HMCN1: variants seen among roughly 807,000 people sequenced by gnomAD.
HMCN1 encodes hemicentin-1.
HMCN1 carries 321 observed loss-of-function variants against 625.9 expected under a neutral mutation model. The ratio of observed to expected loss-of-function variants is 0.51; its 90% CI spans 0.47 to 0.56. HMCN1 has a LOEUF of 0.56. HMCN1 is among the 20% of genes least tolerant of loss of function. The pLI is 0.00. For missense variants in HMCN1, 6,588 were observed against 6,887.3 expected (o/e 0.96, Z 1.54); for synonymous variants, 2,425 against 2,417.6 (o/e 1.00, Z -0.09).
Position 186,136,889 on chromosome 1 carries a change from C to T in HMCN1, c.13534C>T (p.Arg4512Ter), listed in dbSNP as rs766364489. 9.9e-6 allele frequency: 16 copies of T among 1,613,806 alleles called. No individual in the cohort carries two copies. In the Admixed American group the frequency reaches 1.2e-4, roughly 12 times the overall value. The change falls in exon 87 of 107, where the codon CGA becomes TGA. Residue 4512 changes from arginine (R) to a stop codon, truncating the protein, a stop_gained. Transcript: ENST00000271588. LOFTEE classifies it high-confidence loss of function. ...EDTSEFECVA[R>*]NLMGSVLVRV... Reference sequence around the variant, plus strand: ...TACCTCTGAATTTGAATGTGTTGCTCGAAACTTAATGGGTTCTGTCCTTGT... The same window carrying T: ...TACCTCTGAATTTGAATGTGTTGCTTGAAACTTAATGGGTTCTGTCCTTGT...
intron 1 of HMCN1, among the ~76,000 whole-genome samples, chr1:185,747,615 C>T (rs1452930986): frequency 1.3e-5 from 2 of 152,096 alleles, no homozygotes; most frequent in African/African-American, 2.4e-5. Flanking sequence ...CCACCGCACC[C>T]GGCCCTGTTA....
intron 1 of HMCN1, among the ~76,000 whole-genome samples, chr1:185,770,401 A>G (rs1656160317): frequency 6.6e-6 from 1 of 152,244 alleles, no homozygotes; most frequent in African/African-American, 2.4e-5. Flanking sequence ...AGTGTGCTGT[A>G]TAAATGTTTT....
Position 186,103,674 on chromosome 1 carries a change from T to C in HMCN1, c.10770+6T>C. On this transcript the variant is annotated splice_donor_region_variant and intron_variant, in intron 69 of 106. Transcript: ENST00000271588. ...TTCGAATTTCTACTGCTCAGGTAAGTGTCAAAGTTCATAGAATTATTTTAG... is the reference window on the plus strand; with the variant it reads ...TTCGAATTTCTACTGCTCAGGTAAGCGTCAAAGTTCATAGAATTATTTTAG... 1.9e-6 allele frequency: 3 copies of C among 1,612,058 alleles called. No homozygotes were observed. The highest frequency in any genetic ancestry group is 2.5e-6 in the Non-Finnish European group (3 of 1,178,626).
intron 11 of HMCN1, among the ~76,000 whole-genome samples, chr1:185,949,920 T>C (rs867422610): frequency 0.012 from 1,851 of 151,724 alleles, 17 homozygotes; most frequent in Middle Eastern, 0.041. Context: ...AGTTATTTCC[T>C]TGAGGATAGA....
intron 36 of HMCN1, among the ~76,000 whole-genome samples, chr1:186,027,383 T>C (rs146044867): frequency 2.0e-5 from 3 of 152,314 alleles, no homozygotes; most frequent in African/African-American, 7.2e-5. Context: ...AAATGATTAT[T>C]TGGAGTCTAA....
chr1:185,993,343 G>T (rs756369887), intron 23 of HMCN1, 34 bp downstream of exon 23: 2 of 1,610,274 alleles, frequency 1.2e-6, no homozygotes, highest in South Asian at 2.2e-5. Flanking sequence ...TGACAACCCT[G>T]TGGACTGGCC....
chr1:185,813,028 G>T (rs964501839), intron 1 of HMCN1, among the ~76,000 whole-genome samples: 1 of 152,096 alleles, frequency 6.6e-6, no homozygotes, highest in Non-Finnish European at 1.5e-5. Context: ...TGAAGTGATA[G>T]TGACTACCTA....
intron 97 of HMCN1, among the ~76,000 whole-genome samples, chr1:186,154,404 C>T (rs982465766): frequency 3.9e-5 from 6 of 152,060 alleles, no homozygotes; most frequent in Non-Finnish European, 7.4e-5. Context: ...TGCCTGTAGT[C>T]CCAGCTACTG....
intron 1 of HMCN1, among the ~76,000 whole-genome samples, chr1:185,825,765 T>C (rs1660476569): frequency 6.6e-6 from 1 of 152,214 alleles, no homozygotes; most frequent in Non-Finnish European, 1.5e-5. Flanking sequence ...ATTGATTGTG[T>C]TATGTTGGGC....
At chr1:185,940,830 C>T (rs549222748) in intron 11 of HMCN1, among the ~76,000 whole-genome samples, 1 of 152,222 alleles carries the variant, frequency 6.6e-6, no homozygotes, top group African/African-American at 2.4e-5. Flanking sequence ...ATGGCACGAT[C>T]TTGGCTCACC....
At position 186,130,579 on chromosome 1, in the gene HMCN1, G is replaced by C; in HGVS notation, c.13112G>C (p.Cys4371Ser). The C allele has an allele frequency of 6.2e-7, 1 of 1,613,580 alleles. No homozygotes were observed. Among genetic ancestry groups the C allele is most frequent in the Non-Finnish European group, 8.5e-7 (1 of 1,179,626 alleles). Residue 4371 changes from cysteine to serine, a missense_variant, in exon 85 of 107, where the codon TGT (cysteine) becomes TCT (serine). By Grantham distance (112) the Cys-to-Ser change is moderately radical. Coordinates refer to ENST00000271588, the MANE Select transcript of HMCN1 (RefSeq NM_031935.3). ...CTTGGTGGGAATGCAATCCTGAATT[G>C]TGAGGTGAAAGGAGACCCCACCCCA... is the stretch of plus-strand genomic sequence containing the variant. ...EPLGGNAILN[C>S]EVKGDPTPTI... is the part of the protein sequence containing the mutation.
At chr1:186,016,316 A>C in intron 32 of HMCN1, 77 bp downstream of exon 32, 13 of 1,365,674 alleles carry the variant, frequency 9.5e-6, no homozygotes, top group East Asian at 2.3e-5. Context: ...TTTTTTGTTC[A>C]TGCAATAATA....
intron 17 of HMCN1, 47 bp downstream of exon 17, chr1:185,981,120 G>T: frequency 8.8e-7 from 1 of 1,132,182 alleles, no homozygotes; most frequent in Non-Finnish European, 1.4e-6. Flanking sequence ...AAAGTCATCA[G>T]ACTTCTTTTA....
intron 10 of HMCN1, among the ~76,000 whole-genome samples, chr1:185,931,396 C>G (rs1448971375): frequency 1.3e-5 from 2 of 152,162 alleles, no homozygotes; most frequent in Admixed American, 6.5e-5. Flanking sequence ...CATCACTCCC[C>G]TATTCCTACC....
Position 186,067,950 on chromosome 1 carries a change from A to G in HMCN1, c.7822A>G (p.Thr2608Ala). Reference sequence around the variant, plus strand: ...TTATTCATATCCTCCAGCTACCATCACCTGGTTTAAGGATGGCACTCCTTT... The same window carrying G: ...TTATTCATATCCTCCAGCTACCATCGCCTGGTTTAAGGATGGCACTCCTTT... ...EAYSYPPATI[T>A]WFKDGTPLES... The change falls in exon 50 of 107, where the codon ACC becomes GCC. Residue 2608 changes from threonine (T) to alanine (A), a missense_variant. Thr to Ala is a moderately conservative substitution (Grantham distance 58). Coordinates refer to ENST00000271588, the MANE Select transcript of HMCN1 (RefSeq NM_031935.3). The G allele has an allele frequency of 6.2e-7, 1 of 1,613,676 alleles. No individual in the cohort carries two copies. The highest frequency in any genetic ancestry group is 2.2e-5 in the East Asian group (1 of 44,836).
chr1:185,744,868 A>G (rs954706514), intron 1 of HMCN1, among the ~76,000 whole-genome samples: 4 of 152,122 alleles, frequency 2.6e-5, no homozygotes, highest in Non-Finnish European at 2.9e-5. Flanking sequence ...TTGGGTTTTT[A>G]TTTTAGATCT....
At chr1:185,897,536 G>C (rs1345894510) in intron 4 of HMCN1, among the ~76,000 whole-genome samples, 1 of 152,098 alleles carries the variant, frequency 6.6e-6, no homozygotes, top group Non-Finnish European at 1.5e-5. Context: ...TTTCTGATAT[G>C]GCTTATTATA....
chr1:185,787,867 C>G (rs1156238064), intron 1 of HMCN1, among the ~76,000 whole-genome samples: 1 of 152,042 alleles, frequency 6.6e-6, no homozygotes, highest in African/African-American at 2.4e-5. Context: ...TCAGAGAGGT[C>G]AGATAACTTA....
At chr1:186,053,686 A>T in intron 43 of HMCN1, 139 bp from the exon 44 acceptor site, 1 of 802,306 alleles carries the variant, frequency 1.2e-6, no homozygotes, top group Non-Finnish European at 2.0e-6. Context: ...CCTTCATTTT[A>T]CACACTAGGG....
Sources: allele counts gnomAD v4.1 joint callset (sites outside exome capture counted in the v4.1 genomes callset), GRCh38; gene constraint gnomAD v4.1.1; transcripts MANE v1.5; gene names NCBI Gene and HGNC (gene_info 2026-07-23, HGNC 2026-07-21).